EPB41L4B: variants seen among roughly 807,000 people sequenced by gnomAD.
EPB41L4B encodes erythrocyte membrane protein band 4.1 like 4B.
A neutral mutation model predicts 112.5 loss-of-function variants in EPB41L4B; 30 were observed. The ratio of observed to expected loss-of-function variants is 0.27; its 90% CI spans 0.20 to 0.36. The LOEUF is 0.36. EPB41L4B is among the 10% of genes least tolerant of loss of function. The pLI is 1.00. For missense variants in EPB41L4B, 1,024 were observed against 1,133.3 expected (o/e 0.90, Z 1.38); for synonymous variants, 408 against 439.7 (o/e 0.93, Z 0.90).
chr9:109,219,057 C>T (rs1211559006), intron 15 of EPB41L4B, among the ~76,000 whole-genome samples: 1 of 151,752 alleles, frequency 6.6e-6, no homozygotes, highest in Non-Finnish European at 1.5e-5. Flanking sequence ...CGGGGGAAGA[C>T]AGTTAGGTTT....
chr9:109,293,451 C>T (rs916357441), intron 1 of EPB41L4B, among the ~76,000 whole-genome samples: 3 of 150,844 alleles, frequency 2.0e-5, no homozygotes, highest in African/African-American at 7.3e-5. Flanking sequence ...GGCATGATCT[C>T]AGGTCACTGC....
intron 2 of EPB41L4B, among the ~76,000 whole-genome samples, chr9:109,268,784 C>G (rs531104530): frequency 1.1e-4 from 16 of 150,772 alleles, no homozygotes; most frequent in African/African-American, 3.4e-4. Flanking sequence ...GTAGTCCCAG[C>G]TACATGGGAG....
rs1279773732 is a variant in EPB41L4B at position 109,173,740 on chromosome 9, A to T, written c.*814T>A. On this transcript the variant is annotated 3_prime_UTR_variant, in exon 26 of 26. Transcript: ENST00000374566. ...AAGTTGTTCAAGTGCATTAATAAAA[A>T]TTTAAAAACACATTTCTTGAAACTA... 6.5e-6 allele frequency: 1 copy of T among 152,678 alleles called. No homozygotes were observed. The highest frequency in any genetic ancestry group is 1.5e-5 in the Non-Finnish European group (1 of 68,040). 9.5% of individuals were successfully genotyped at this position (152,678 alleles called of 1,614,324 possible). A position where few individuals can be genotyped will look rare whatever the true frequency, so the allele number is the denominator to read the frequency against.
intron 18 of EPB41L4B, among the ~76,000 whole-genome samples, chr9:109,205,036 G>T (rs1443160933): frequency 6.6e-6 from 1 of 152,196 alleles, no homozygotes; most frequent in Non-Finnish European, 1.5e-5. Flanking sequence ...ACAGATAACA[G>T]TAGGAGCTAC....
intron 23 of EPB41L4B, among the ~76,000 whole-genome samples, chr9:109,185,107 T>C (rs1407494262): frequency 6.6e-6 from 1 of 152,202 alleles, no homozygotes; most frequent in African/African-American, 2.4e-5. Flanking sequence ...ATTACATCAT[T>C]AGCTTGATAA....
chr9:109,258,790 C>T (rs149286094), intron 6 of EPB41L4B, among the ~76,000 whole-genome samples: 243 of 152,014 alleles, frequency 1.6e-3, no homozygotes, highest in African/African-American at 5.4e-3. Flanking sequence ...AGAGGCAGAG[C>T]GAGAGGGAGG....
At chr9:109,285,924 A>C (rs926325851) in intron 1 of EPB41L4B, among the ~76,000 whole-genome samples, 4 of 152,216 alleles carry the variant, frequency 2.6e-5, no homozygotes, top group African/African-American at 9.6e-5. Flanking sequence ...TCCCGTAAGC[A>C]GGTGTGTGCC....
intron 19 of EPB41L4B, among the ~76,000 whole-genome samples, chr9:109,202,426 C>T (rs1205143264): frequency 2.0e-5 from 3 of 152,160 alleles, no homozygotes; most frequent in South Asian, 2.1e-4. Context: ...TCTACTGGCA[C>T]CCACCAAACA....
At chr9:109,215,392 G>A (rs954626408) in intron 16 of EPB41L4B, among the ~76,000 whole-genome samples, 1 of 152,074 alleles carries the variant, frequency 6.6e-6, no homozygotes, top group Non-Finnish European at 1.5e-5. Context: ...TGATTCTCGT[G>A]CCTCGGCCTC....
intron 25 of EPB41L4B, among the ~76,000 whole-genome samples, chr9:109,175,071 C>T (rs1055600046): frequency 4.5e-4 from 68 of 152,128 alleles, no homozygotes; most frequent in African/African-American, 1.6e-3. Context: ...CACGTGCCAC[C>T]ATGCCAAGCT....
intron 7 of EPB41L4B, 67 bp from the exon 8 acceptor site, chr9:109,256,547 G>C: frequency 3.6e-6 from 5 of 1,373,926 alleles, no homozygotes; most frequent in Non-Finnish European, 5.1e-6. Context: ...TGAAGGGCAC[G>C]GCCTTACTAT....
At chr9:109,265,418 T>C (rs1364781582) in intron 4 of EPB41L4B, among the ~76,000 whole-genome samples, 2 of 152,224 alleles carry the variant, frequency 1.3e-5, no homozygotes, top group Non-Finnish European at 2.9e-5. Context: ...CACCAGCGGA[T>C]TCCAGATCTG....
Position 109,258,252 on chromosome 9 carries a change from A to G in EPB41L4B, c.677T>C (p.Val226Ala), listed in dbSNP as rs1436684931. Residue 226 changes from valine to alanine, a missense_variant, in exon 7 of 26, where the codon GTG (valine) becomes GCG (alanine). Physicochemically the swap from Val to Ala is moderately conservative, Grantham distance 64. Coordinates refer to ENST00000374566, the MANE Select transcript of EPB41L4B (RefSeq NM_019114.5). ...ATTTGGAATGAACCGAAACTCAGAC[A>G]CAAGCTCTGGTGTGTGTTCTGGAAG... ...CELPEHTPEL[V>A]SEFRFIPNQT... The G allele has an allele frequency of 6.2e-7, 1 of 1,614,146 alleles. No homozygotes were observed.
chr9:109,317,318 C>A (rs1837670990), intron 1 of EPB41L4B, among the ~76,000 whole-genome samples: 1 of 152,216 alleles, frequency 6.6e-6, no homozygotes, highest in Non-Finnish European at 1.5e-5. Flanking sequence ...TCCGATTCCC[C>A]CATCCCATCC....
chr9:109,309,836 T>C (rs1387944625), intron 1 of EPB41L4B, among the ~76,000 whole-genome samples: 3 of 150,946 alleles, frequency 2.0e-5, no homozygotes, highest in Admixed American at 1.3e-4. Flanking sequence ...TGGGGGAAGG[T>C]AGAGACTACA....
intron 15 of EPB41L4B, among the ~76,000 whole-genome samples, chr9:109,231,375 T>A (rs1360228144): frequency 6.6e-6 from 1 of 152,202 alleles, no homozygotes; most frequent in Non-Finnish European, 1.5e-5. Context: ...GAGCCAAAGA[T>A]GGCATCTTCT....
chr9:109,191,689 C>T (rs1309205915), intron 22 of EPB41L4B, among the ~76,000 whole-genome samples: 1 of 152,194 alleles, frequency 6.6e-6, no homozygotes, highest in Non-Finnish European at 1.5e-5. Flanking sequence ...AAGGGAATCT[C>T]ATCACTCTTG....
intron 11 of EPB41L4B, among the ~76,000 whole-genome samples, chr9:109,254,527 G>A (rs186864157): frequency 2.6e-5 from 4 of 152,252 alleles, no homozygotes; most frequent in African/African-American, 9.6e-5. Flanking sequence ...GCCATGTGTG[G>A]GTAGAGGTTA....
chr9:109,300,028 G>C (rs1204815013), intron 1 of EPB41L4B, among the ~76,000 whole-genome samples: 1 of 152,200 alleles, frequency 6.6e-6, no homozygotes, highest in African/African-American at 2.4e-5. Context: ...AGTCACAGAA[G>C]GAGGGAGGAG....
Sources: allele counts gnomAD v4.1 joint callset (sites outside exome capture counted in the v4.1 genomes callset), GRCh38; gene constraint gnomAD v4.1.1; transcripts MANE v1.5; gene names NCBI Gene and HGNC (gene_info 2026-07-23, HGNC 2026-07-21).